Variants in CSNK1G1 observed in about 807,000 individuals in gnomAD.
CSNK1G1 encodes the protein casein kinase I isoform gamma-1.
In CSNK1G1, 22 loss-of-function variants were observed where a neutral mutation model predicts 59.6. The observed-to-expected ratio is 0.37, with a 90% CI of 0.26 to 0.53. The LOEUF (loss-of-function observed/expected upper bound fraction) is 0.53. CSNK1G1 is among the 20% of genes least tolerant of loss of function. The probability of loss-of-function intolerance (pLI) is 0.89; values close to 1 mark genes in which losing one functional copy is unlikely to be tolerated. For synonymous variants in CSNK1G1, 179 were observed against 177.1 expected (o/e 1.01, Z -0.08); for missense variants, 384 against 519.5 (o/e 0.74, Z 2.54).
intron 1 of CSNK1G1, among the ~76,000 whole-genome samples, chr15:64,342,237 G>A (rs1897716488): frequency 6.6e-6 from 1 of 152,182 alleles, no homozygotes; most frequent in Non-Finnish European, 1.5e-5. Context: ...CATACCAGCA[G>A]TGTGAACTTC....
intron 2 of CSNK1G1, among the ~76,000 whole-genome samples, chr15:64,282,295 C>A (rs957621281): frequency 3.3e-5 from 5 of 152,000 alleles, no homozygotes; most frequent in African/African-American, 1.2e-4. Flanking sequence ...GAGACAGGGT[C>A]TCAGTTGGTT....
At chr15:64,283,017 G>T (rs1475195707) in intron 2 of CSNK1G1, among the ~76,000 whole-genome samples, 1 of 152,158 alleles carries the variant, frequency 6.6e-6, no homozygotes, top group African/African-American at 2.4e-5. Context: ...GCAGAAGGGT[G>T]GGAGGGGGAC....
intron 3 of CSNK1G1, 96 bp downstream of exon 3, chr15:64,259,105 C>G: frequency 1.0e-6 from 1 of 982,314 alleles, no homozygotes; most frequent in Non-Finnish European, 1.5e-6. Context: ...AAACCATTAG[C>G]AGTTTTGCGA....
chr15:64,237,002 C>A (rs1364567315), intron 4 of CSNK1G1, among the ~76,000 whole-genome samples: 1 of 151,996 alleles, frequency 6.6e-6, no homozygotes, highest in Non-Finnish European at 1.5e-5. Flanking sequence ...AAGTATGGAA[C>A]CTAAGTTAAA....
At chr15:64,307,207 G>A (rs1216666111) in intron 1 of CSNK1G1, among the ~76,000 whole-genome samples, 1 of 152,018 alleles carries the variant, frequency 6.6e-6, no homozygotes, top group African/African-American at 2.4e-5. Context: ...AGTAATGCAA[G>A]ACATTAATAA....
chr15:64,354,155 A>C (rs1898498067), intron 1 of CSNK1G1, among the ~76,000 whole-genome samples: 1 of 152,110 alleles, frequency 6.6e-6, no homozygotes, highest in East Asian at 1.9e-4. Context: ...AATACAAAAA[A>C]TTAGCTGGGT....
intron 10 of CSNK1G1, among the ~76,000 whole-genome samples, chr15:64,199,546 A>G (rs1387812335): frequency 2.6e-5 from 4 of 152,170 alleles, no homozygotes; most frequent in Admixed American, 2.0e-4. Context: ...AGGAAAGTAA[A>G]GGAAACACAT....
intron 2 of CSNK1G1, among the ~76,000 whole-genome samples, chr15:64,276,873 G>A (rs1390301185): frequency 6.6e-6 from 1 of 151,470 alleles, no homozygotes; most frequent in African/African-American, 2.4e-5. Context: ...TGTGAACCCG[G>A]GAGGCAGAGC....
chr15:64,336,098 T>C (rs1280516516), intron 1 of CSNK1G1, among the ~76,000 whole-genome samples: 3 of 152,198 alleles, frequency 2.0e-5, no homozygotes, highest in South Asian at 2.1e-4. Context: ...CAAACTATTC[T>C]ATGGAACTCT....
At chr15:64,248,312 C>T (rs1891866140) in intron 4 of CSNK1G1, among the ~76,000 whole-genome samples, 1 of 152,180 alleles carries the variant, frequency 6.6e-6, no homozygotes, top group South Asian at 2.1e-4. Flanking sequence ...ATTTTCTTGT[C>T]AATTGATCTT....
chr15:64,289,262 T>G (rs148004428), intron 2 of CSNK1G1, among the ~76,000 whole-genome samples: 1 of 152,176 alleles, frequency 6.6e-6, no homozygotes, highest in African/African-American at 2.4e-5. Flanking sequence ...CCATTCAAGA[T>G]GTCAATGCAT....
chr15:64,204,820 A>G, intron 8 of CSNK1G1, 45 bp downstream of exon 8: 1 of 1,329,986 alleles, frequency 7.5e-7, no homozygotes, highest in Non-Finnish European at 1.1e-6. Flanking sequence ...GACTCTACCT[A>G]GTTTCAAAGC....
chr15:64,244,115 G>A (rs1389636938), intron 4 of CSNK1G1, among the ~76,000 whole-genome samples: 2 of 151,996 alleles, frequency 1.3e-5, no homozygotes, highest in African/African-American at 4.8e-5. Context: ...GTTGCAGTGA[G>A]CCGAGATCAC....
At chr15:64,238,122 C>T (rs549374843) in intron 4 of CSNK1G1, among the ~76,000 whole-genome samples, 37 of 152,184 alleles carry the variant, frequency 2.4e-4, no homozygotes, top group African/African-American at 8.7e-4. Context: ...AACAGGAAAT[C>T]TTGCTCTTTC....
Position 64,189,344 on chromosome 15 carries a change from C to T in CSNK1G1, c.1108-8890G>A, listed in dbSNP as rs150013718. 244 of 1,198,570 alleles carry T rather than the reference C, an allele frequency of 2.0e-4. 3 individuals carry two copies. The East Asian group carries it at 0.013, about 64-fold the overall frequency. The allele number at this position is 1,198,570 out of a possible 1,614,324, so 74.2% of individuals were successfully genotyped here. On this transcript the variant is annotated intron_variant, in intron 10 of 11. Transcript: ENST00000303052. Reference sequence around the variant, plus strand: ...CATTCAGGCTCTCCTTCTTTACCTGCTTTTTACATCTGCTACTATTCTGAT... The same window carrying T: ...CATTCAGGCTCTCCTTCTTTACCTGTTTTTTACATCTGCTACTATTCTGAT...
At chr15:64,248,053 T>A (rs1216470582) in intron 4 of CSNK1G1, among the ~76,000 whole-genome samples, 1 of 152,186 alleles carries the variant, frequency 6.6e-6, no homozygotes, top group Non-Finnish European at 1.5e-5. Flanking sequence ...AAACACTAAT[T>A]ATGTTACTGT....
intron 2 of CSNK1G1, 150 bp downstream of exon 2, chr15:64,300,169 T>G (rs1383161361): frequency 2.8e-6 from 2 of 707,676 alleles, no homozygotes; most frequent in Non-Finnish European, 4.9e-6. Flanking sequence ...TGATAATGAC[T>G]ATAGTGCCCC....
At chr15:64,253,627 G>A (rs1290354251) in intron 3 of CSNK1G1, among the ~76,000 whole-genome samples, 1 of 152,202 alleles carries the variant, frequency 6.6e-6, no homozygotes. Context: ...CATGTTTATA[G>A]CATTATTATG....
At chr15:64,205,612 T>A (rs189761759) in intron 7 of CSNK1G1, among the ~76,000 whole-genome samples, 2 of 152,316 alleles carry the variant, frequency 1.3e-5, no homozygotes, top group Admixed American at 1.3e-4. Flanking sequence ...TTTACCTAGC[T>A]TGCTGCACTC....
Sources: gnomAD v4.1 joint callset for allele counts (sites outside exome capture counted in the v4.1 genomes callset) on GRCh38, gnomAD v4.1.1 for gene constraint, MANE v1.5 for transcripts, NCBI Gene and HGNC (gene_info 2026-07-23, HGNC 2026-07-21) for gene names.